Variants in EPM2A observed in about 807,000 individuals in gnomAD.
EPM2A encodes the protein laforin.
In EPM2A, 21 loss-of-function variants were observed where a neutral mutation model predicts 26.5. The ratio of observed to expected loss-of-function variants is 0.79; its 90% CI spans 0.56 to 1.14. EPM2A has a LOEUF of 1.14. EPM2A is among the 50% of genes most tolerant of loss of function. The pLI is 0.00. For missense variants in EPM2A, 458 were observed against 440.8 expected (o/e 1.04, Z -0.35); for synonymous variants, 217 against 177.6 (o/e 1.22, Z -1.76).
chr6:145,539,862 C>T (rs1213255615), intron 2 of EPM2A, among the ~76,000 whole-genome samples: 2 of 152,288 alleles, frequency 1.3e-5, no homozygotes, highest in South Asian at 2.1e-4. Flanking sequence ...AAGGACCAAA[C>T]AATCCATGGT....
chr6:145,654,194 A>AT (rs55978408), intron 2 of EPM2A, among the ~76,000 whole-genome samples: 76,430 of 148,086 alleles, frequency 0.52, 20,328 homozygotes, highest in East Asian at 0.67. Context: ...AGACTATGCA[A>AT]TTTTTTTTTT....
chr6:145,622,190 C>T (rs1935617), downstream of EPM2A, among the ~76,000 whole-genome samples: 85,504 of 151,966 alleles, frequency 0.56, 25,029 homozygotes, highest in African/African-American at 0.74. Flanking sequence ...CCTGATATAA[C>T]AACAGTACAG....
chr6:145,458,742 A>C (rs937309405), intron 4 of EPM2A, among the ~76,000 whole-genome samples: 3 of 150,946 alleles, frequency 2.0e-5, no homozygotes, highest in African/African-American at 7.3e-5. Flanking sequence ...TCCTGATGAA[A>C]TAGATATCTC....
chr6:145,717,110 C>T (rs1253145497), intron 1 of EPM2A, among the ~76,000 whole-genome samples: 1 of 152,156 alleles, frequency 6.6e-6, no homozygotes, highest in Non-Finnish European at 1.5e-5. Context: ...CTCCCTAACT[C>T]ATTTTATGAG....
intron 2 of EPM2A, among the ~76,000 whole-genome samples, chr6:145,667,633 AT>A (rs1357193451): frequency 2.0e-5 from 3 of 150,768 alleles, no homozygotes; most frequent in African/African-American, 7.4e-5. Flanking sequence ...AGAACTAGAA[AT>A]ACCATTTGAC....
chr6:145,624,268 T>C (rs116832717), downstream of EPM2A, among the ~76,000 whole-genome samples: 6,229 of 152,236 alleles, frequency 0.041, 429 homozygotes, highest in African/African-American at 0.14. Flanking sequence ...GCACATAACC[T>C]TGAATCTCCC....
intron 2 of EPM2A, among the ~76,000 whole-genome samples, chr6:145,539,527 A>C (rs1780478786): frequency 6.6e-6 from 1 of 152,202 alleles, no homozygotes; most frequent in South Asian, 2.1e-4. Context: ...GGGAGAACAG[A>C]GCTAGAGAAA....
chr6:145,575,367 C>A (rs1462531309), intron 2 of EPM2A, among the ~76,000 whole-genome samples: 1 of 152,162 alleles, frequency 6.6e-6, no homozygotes, highest in Non-Finnish European at 1.5e-5. Context: ...ACAGTAGACA[C>A]CTGGCGAGGC....
chr6:145,397,066 C>A (rs1353667997), intron 4 of EPM2A, among the ~76,000 whole-genome samples: 2 of 152,160 alleles, frequency 1.3e-5, no homozygotes, highest in African/African-American at 2.4e-5. Flanking sequence ...TGTGTCCTGC[C>A]TAAAGCTCTT....
rs571861242 is a variant in EPM2A, at chr6:145,709,732, A to C, written c.302-23436T>G. Among the ~76,000 whole-genome samples, 191 of 152,336 alleles carry C rather than the reference A, an allele frequency of 1.3e-3. 1 individual carries two copies. Among genetic ancestry groups the C allele is most frequent in the African/African-American group, 4.4e-3 (182 of 41,582 alleles). On this transcript the variant is annotated intron_variant, in intron 1 of 3. Transcript: ENST00000367519. ...TAGTAGCTTGTAGAGGAAGGATTGA[A>C]TAGAGAAGAAACACAAAGTAGTTCC...
chr6:145,463,495 TG>T (rs1359080171), intron 4 of EPM2A: 1 of 152,184 alleles, frequency 6.6e-6, no homozygotes, highest in Non-Finnish European at 1.5e-5. Flanking sequence ...CATATAATTT[TG>T]TTTTTAAACA....
At chr6:145,437,712 A>T (rs1018327237) in intron 4 of EPM2A, among the ~76,000 whole-genome samples, 3 of 152,196 alleles carry the variant, frequency 2.0e-5, no homozygotes, top group African/African-American at 7.2e-5. Flanking sequence ...ATGTCTACAT[A>T]TGAGGGAGCC....
chr6:145,536,831 G>A (rs1780438714), intron 2 of EPM2A, among the ~76,000 whole-genome samples: 1 of 152,140 alleles, frequency 6.6e-6, no homozygotes, highest in South Asian at 2.1e-4. Context: ...CTATAGCAAG[G>A]GGCTCAGCCA....
chr6:145,562,010 C>T (rs1208806284), intron 2 of EPM2A, among the ~76,000 whole-genome samples: 1 of 151,136 alleles, frequency 6.6e-6, no homozygotes, highest in Non-Finnish European at 1.5e-5. Context: ...ACATGTATAC[C>T]TATGTAACAA....
chr6:145,442,258 T>G (rs551949053), intron 4 of EPM2A, among the ~76,000 whole-genome samples: 12 of 152,198 alleles, frequency 7.9e-5, no homozygotes, highest in Non-Finnish European at 1.5e-4. Context: ...AGTTGCAAAG[T>G]TGCTTCTATA....
At chr6:145,567,895 G>C (rs1780905059) in intron 2 of EPM2A, among the ~76,000 whole-genome samples, 1 of 152,144 alleles carries the variant, frequency 6.6e-6, no homozygotes, top group South Asian at 2.1e-4. Flanking sequence ...GAGGATTTAT[G>C]TATTTCCTAC....
intron 1 of EPM2A, among the ~76,000 whole-genome samples, chr6:145,701,128 T>C (rs146274166): frequency 6.6e-6 from 1 of 152,364 alleles, no homozygotes; most frequent in East Asian, 1.9e-4. Context: ...GGCGTAATCC[T>C]GGCAATTAGA....
intron 2 of EPM2A, among the ~76,000 whole-genome samples, chr6:145,647,303 T>G (rs1236509840): frequency 6.6e-6 from 1 of 152,174 alleles, no homozygotes; most frequent in Non-Finnish European, 1.5e-5. Flanking sequence ...TAAAGAGCCA[T>G]GCACTCTCCT....
At chr6:145,661,576 T>G (rs73782038) in intron 2 of EPM2A, among the ~76,000 whole-genome samples, 1 of 152,236 alleles carries the variant, frequency 6.6e-6, no homozygotes, top group Admixed American at 6.5e-5. Flanking sequence ...GAAAATGGTA[T>G]GTAATCAGAA....
Sources: gnomAD v4.1 joint callset for allele counts (sites outside exome capture counted in the v4.1 genomes callset) on GRCh38, gnomAD v4.1.1 for gene constraint, MANE v1.5 for transcripts, NCBI Gene and HGNC (gene_info 2026-07-23, HGNC 2026-07-21) for gene names.